C12orf42: variants seen among roughly 807,000 people sequenced by gnomAD.
C12orf42 encodes chromosome 12 open reading frame 42.
C12orf42 carries 25 observed loss-of-function variants against 21.6 expected under a neutral mutation model. That is an observed-to-expected ratio of 1.16 (90% CI 0.84 to 1.62). C12orf42 has a LOEUF of 1.62. Ranked by LOEUF, C12orf42 falls within the 40% of genes most tolerant of loss-of-function variation. The pLI is 0.00. For synonymous variants in C12orf42, 174 were observed against 175.0 expected, an observed-to-expected ratio of 0.99 and a Z score of 0.05; for missense variants, 483 against 459.3, an observed-to-expected ratio of 1.05 and a Z score of -0.47.
intron 2 of C12orf42, among the ~76,000 whole-genome samples, chr12:103,463,961 A>C (rs1371320305): frequency 6.6e-6 from 1 of 151,972 alleles, no homozygotes; most frequent in Non-Finnish European, 1.5e-5. Context: ...CATTTTCTTT[A>C]CCCAGTCAAT....
At chr12:103,518,448 C>G in the C12orf42 span, among the ~76,000 whole-genome samples, 2 of 152,138 alleles carry the variant, frequency 1.3e-5, no homozygotes, top group African/African-American at 4.8e-5. Flanking sequence ...CCATTGCCCC[C>G]GCCATGCCCA....
rs548273932 is a variant in C12orf42, at chr12:103,434,554, C to T, written c.79-32879G>A. 2.7e-4 allele frequency among the ~76,000 whole-genome samples: 41 copies of T among 152,168 alleles called. No homozygotes were observed. The East Asian group carries it at 3.3e-3, about 12-fold the overall frequency. The stretch of plus-strand genomic sequence containing the variant: ...GGTCAGTGGGTGCGCGTACCATGCA[C>T]GAGCCGAAGCAGGGCGAGGCATTGC... On this transcript the variant is annotated intron_variant, in intron 2 of 5. Coordinates refer to ENST00000548883, the MANE Select transcript of C12orf42 (RefSeq NM_198521.5).
chr12:103,054,478 T>A, the C12orf42 span, among the ~76,000 whole-genome samples: 5 of 151,854 alleles, frequency 3.3e-5, no homozygotes, highest in South Asian at 1.0e-3. Context: ...AGAGGCTTTT[T>A]TTTGCACATT....
intron 4 of C12orf42, among the ~76,000 whole-genome samples, chr12:103,296,851 C>A (rs961869885): frequency 6.6e-6 from 1 of 152,146 alleles, no homozygotes; most frequent in Non-Finnish European, 1.5e-5. Flanking sequence ...TGTGCAGAAG[C>A]TTTTTAGTTT....
the C12orf42 span, among the ~76,000 whole-genome samples, chr12:103,077,467 G>A: frequency 6.6e-6 from 1 of 152,164 alleles, no homozygotes; most frequent in African/African-American, 2.4e-5. Flanking sequence ...CCAAAGCACA[G>A]AGAAGTTAAA....
At position 103,247,344 on chromosome 12, in the gene C12orf42, T is replaced by C. The variant is rs71466263; in HGVS notation, c.*1367-9442A>G. Among the ~76,000 whole-genome samples, 707 of 152,122 alleles carry C rather than the reference T, an allele frequency of 4.6e-3. 1 individual carries two copies. Among genetic ancestry groups the C allele is most frequent in the Admixed American group, 6.9e-3 (105 of 15,248 alleles). On this transcript the variant is annotated intron_variant and NMD_transcript_variant, in intron 10 of 10. Transcript: ENST00000547347. The stretch of plus-strand genomic sequence containing the variant: ...AGAGCCAGAACAAACTTTTTATTTG[T>C]TCTAGACCTCATAAAACAGCATGAA...
chr12:103,245,796 C>T (rs924720599), intron 10 of C12orf42, among the ~76,000 whole-genome samples: 1 of 152,072 alleles, frequency 6.6e-6, no homozygotes, highest in Admixed American at 6.6e-5. Flanking sequence ...ATATGGGACA[C>T]GTATACACCT....
the C12orf42 span, among the ~76,000 whole-genome samples, chr12:103,526,459 C>T: frequency 1.3e-5 from 2 of 152,248 alleles, no homozygotes; most frequent in South Asian, 4.1e-4. Flanking sequence ...GGGTAAGTTT[C>T]AGCATATGTG....
intron 2 of C12orf42, chr12:103,477,937 G>C (rs1244607796): frequency 5.5e-6 from 1 of 182,856 alleles, no homozygotes; most frequent in Admixed American, 6.4e-5. Flanking sequence ...CAGAGCATTT[G>C]TAGTTTTTTA....
At chr12:103,421,089 G>A (rs889665037) in intron 2 of C12orf42, among the ~76,000 whole-genome samples, 5 of 152,100 alleles carry the variant, frequency 3.3e-5, no homozygotes, top group African/African-American at 1.2e-4. Flanking sequence ...TGGGAATGTT[G>A]TCCTAGGGAC....
At chr12:103,287,687 C>G (rs983813027) in intron 4 of C12orf42, among the ~76,000 whole-genome samples, 1 of 150,814 alleles carries the variant, frequency 6.6e-6, no homozygotes, top group Non-Finnish European at 1.5e-5. Flanking sequence ...CACATGTACC[C>G]TAAAACTTAA....
chr12:103,232,526 C>T, the C12orf42 span, among the ~76,000 whole-genome samples: 2 of 151,874 alleles, frequency 1.3e-5, no homozygotes, highest in African/African-American at 2.4e-5. Context: ...GGCTAACACA[C>T]GGTGAAATCC....
chr12:103,112,888 A>G, the C12orf42 span, among the ~76,000 whole-genome samples: 1 of 152,126 alleles, frequency 6.6e-6, no homozygotes, highest in Non-Finnish European at 1.5e-5. Context: ...CTCACCACAC[A>G]GTGCTGTACC....
the C12orf42 span, among the ~76,000 whole-genome samples, chr12:103,502,324 C>A: frequency 6.6e-6 from 1 of 152,154 alleles, no homozygotes; most frequent in Non-Finnish European, 1.5e-5. Context: ...ATGCCATGCT[C>A]CATGGAGCAG....
intron 4 of C12orf42, among the ~76,000 whole-genome samples, chr12:103,322,354 T>A (rs1299818999): frequency 1.3e-5 from 2 of 151,876 alleles, no homozygotes; most frequent in African/African-American, 4.8e-5. Context: ...TTTGATGGAT[T>A]TTTTTTTTCT....
chr12:103,446,870 T>C (rs1951608601), intron 2 of C12orf42, among the ~76,000 whole-genome samples: 1 of 151,916 alleles, frequency 6.6e-6, no homozygotes, highest in Non-Finnish European at 1.5e-5. Context: ...AAACAATTAC[T>C]ACTAGGCCTA....
At chr12:103,538,970 T>G in the C12orf42 span, among the ~76,000 whole-genome samples, 1 of 152,296 alleles carries the variant, frequency 6.6e-6, no homozygotes, top group Admixed American at 6.5e-5. Flanking sequence ...GGAGGAGTAC[T>G]TCTTTATCTC....
At chr12:103,507,240 TTATATATAATATATAA>T in the C12orf42 span, among the ~76,000 whole-genome samples, 1 of 58,362 alleles carries the variant, frequency 1.7e-5, no homozygotes, top group African/African-American at 1.1e-4. Flanking sequence ...TATATATATA[TTATATATAATATATAA>T]ATATATAATA....
chr12:103,119,493 A>G, the C12orf42 span, among the ~76,000 whole-genome samples: 1 of 152,176 alleles, frequency 6.6e-6, no homozygotes, highest in Non-Finnish European at 1.5e-5. Context: ...GAAATAGGCT[A>G]TGGTGGCAGA....
Sources: gnomAD v4.1 joint callset for allele counts (sites outside exome capture counted in the v4.1 genomes callset) on GRCh38, gnomAD v4.1.1 for gene constraint, MANE v1.5 for transcripts, NCBI Gene and HGNC (gene_info 2026-07-23, HGNC 2026-07-21) for gene names.